NAALADL2: variants seen among roughly 807,000 people sequenced by gnomAD.
NAALADL2 encodes the protein inactive N-acetylated-alpha-linked acidic dipeptidase-like protein 2.
A neutral mutation model predicts 87.2 loss-of-function variants in NAALADL2; 76 were observed. That is an observed-to-expected ratio of 0.87 (90% CI 0.72 to 1.05). NAALADL2 has a LOEUF of 1.05. NAALADL2 is among the 50% of genes least tolerant of loss of function. The probability of loss-of-function intolerance (pLI) is 0.00; values close to 1 mark genes in which losing one functional copy is unlikely to be tolerated. For missense variants in NAALADL2, 1,089 were observed against 945.8 expected (o/e 1.15, Z -1.99); for synonymous variants, 354 against 331.0 (o/e 1.07, Z -0.75).
In NAALADL2 at chr3:175,123,363, G is replaced by A. The variant is rs963443115; in HGVS notation, c.545+26072G>A. ...ATAGATGGTAGGGCAATGGTCCCAA[G>A]TCATGATTTCTGTCATGAAACCTTT... On this transcript the variant is annotated intron_variant, in intron 2 of 13. Coordinates refer to ENST00000454872, the MANE Select transcript of NAALADL2 (RefSeq NM_207015.3). Among the ~76,000 whole-genome samples, 3 of 152,038 alleles carry A rather than the reference G, an allele frequency of 2.0e-5. No individual in the cohort carries two copies. In the East Asian group the frequency reaches 5.8e-4, roughly 29 times the overall value.
chr3:175,127,704 T>G (rs1185871072), intron 2 of NAALADL2, among the ~76,000 whole-genome samples: 1 of 152,130 alleles, frequency 6.6e-6, no homozygotes, highest in African/African-American at 2.4e-5. Flanking sequence ...TTACTGTTCA[T>G]ACTGTTTTCA....
chr3:174,457,051 T>TA (rs1393226096), intron 1 of NAALADL2, among the ~76,000 whole-genome samples: 3 of 151,938 alleles, frequency 2.0e-5, no homozygotes, highest in Non-Finnish European at 4.4e-5. Flanking sequence ...GCAAAGGACA[T>TA]AAACACTTTT....
chr3:174,702,830 G>T (rs192226480), intron 2 of NAALADL2, among the ~76,000 whole-genome samples: 1 of 152,166 alleles, frequency 6.6e-6, no homozygotes, highest in African/African-American at 2.4e-5. Flanking sequence ...GTGCATAACT[G>T]TGATTATAAT....
At chr3:174,902,275 C>A (rs1341677628) in intron 1 of NAALADL2, among the ~76,000 whole-genome samples, 2 of 152,070 alleles carry the variant, frequency 1.3e-5, no homozygotes, top group South Asian at 2.1e-4. Context: ...AACTCATTGA[C>A]CCTCTATTTA....
At chr3:174,774,460 G>C (rs1471236049) in intron 3 of NAALADL2, among the ~76,000 whole-genome samples, 2 of 152,158 alleles carry the variant, frequency 1.3e-5, no homozygotes, top group African/African-American at 4.8e-5. Flanking sequence ...ACTTCGAGGA[G>C]AAACAACAGC....
chr3:175,608,240 A>C (rs1724062534), intron 10 of NAALADL2, among the ~76,000 whole-genome samples: 1 of 148,212 alleles, frequency 6.7e-6, no homozygotes. Flanking sequence ...AAGTTCTAGA[A>C]TACTTTCCAT....
chr3:175,092,907 G>A (rs1560015546), intron 1 of NAALADL2, among the ~76,000 whole-genome samples: 2 of 151,774 alleles, frequency 1.3e-5, no homozygotes, highest in Admixed American at 6.6e-5. Flanking sequence ...CATAATAATT[G>A]CATTTTATAA....
chr3:175,102,401 T>C (rs188601317), intron 2 of NAALADL2, among the ~76,000 whole-genome samples: 386 of 152,308 alleles, frequency 2.5e-3, no homozygotes, highest in Non-Finnish European at 4.5e-3. Context: ...TGATAAAGGT[T>C]TTCCCTATGA....
In NAALADL2 at chr3:174,763,586, C is replaced by CA. The variant is rs1163373340; in HGVS notation, c.-9+25855dup. On this transcript the variant is annotated intron_variant, in intron 3 of 3. Coordinates refer to the NAALADL2 transcript ENST00000434257. The stretch of plus-strand genomic sequence containing the variant: ...TGGGCTACAGAGCGAGACTCCATCT[C>CA]AAAAAAAAAAAAAAAGACTAAAATG... Among the ~76,000 whole-genome samples, 67 of 48,350 alleles carry CA rather than the reference C, an allele frequency of 1.4e-3. 5 individuals are homozygous for CA. Among genetic ancestry groups the CA allele is most frequent in the East Asian group, 0.011 (22 of 2,030 alleles). The allele number at this position is 48,350 out of a possible 152,430, so 31.7% of individuals were successfully genotyped here. A position where few individuals can be genotyped will look rare whatever the true frequency, so the allele number is the denominator to read the frequency against.
At chr3:175,694,401 A>G (rs570232793) in intron 11 of NAALADL2, among the ~76,000 whole-genome samples, 1 of 152,334 alleles carries the variant, frequency 6.6e-6, no homozygotes, top group East Asian at 1.9e-4. Context: ...ATCAAAAAAT[A>G]AATCACACTG....
intron 3 of NAALADL2, among the ~76,000 whole-genome samples, chr3:174,794,854 A>G (rs1717885896): frequency 1.3e-5 from 2 of 152,104 alleles, no homozygotes; most frequent in South Asian, 4.1e-4. Flanking sequence ...TAAAAAAATC[A>G]TGATCTATAG....
At chr3:174,682,298 C>T (rs1285786288) in intron 2 of NAALADL2, among the ~76,000 whole-genome samples, 1 of 152,184 alleles carries the variant, frequency 6.6e-6, no homozygotes, top group Admixed American at 6.5e-5. Context: ...TTCTGGACAG[C>T]ATCTCTGCAT....
intron 1 of NAALADL2, among the ~76,000 whole-genome samples, chr3:174,549,767 T>A (rs1711895106): frequency 1.3e-5 from 2 of 152,126 alleles, no homozygotes; most frequent in African/African-American, 2.4e-5. Flanking sequence ...ATCCCCAAAC[T>A]GGAGGAATCC....
At chr3:174,865,552 T>C (rs1454681928) in intron 1 of NAALADL2, among the ~76,000 whole-genome samples, 1 of 151,972 alleles carries the variant, frequency 6.6e-6, no homozygotes, top group Non-Finnish European at 1.5e-5. Context: ...CATTAAACTA[T>C]TGATAAATCT....
At chr3:175,661,122 G>T (rs765322887) in intron 11 of NAALADL2, among the ~76,000 whole-genome samples, 5 of 151,916 alleles carry the variant, frequency 3.3e-5, no homozygotes, top group Admixed American at 2.0e-4. Context: ...ATGGTGTAAA[G>T]ATGTTCCCCT....
At chr3:174,456,718 T>G (rs1377790880) in intron 1 of NAALADL2, among the ~76,000 whole-genome samples, 4 of 151,866 alleles carry the variant, frequency 2.6e-5, no homozygotes, top group Non-Finnish European at 4.4e-5. Context: ...AAAAATCAAC[T>G]CAAGATGGAT....
upstream of NAALADL2, among the ~76,000 whole-genome samples, chr3:174,855,155 A>T (rs1016549081): frequency 5.9e-5 from 9 of 152,054 alleles, no homozygotes; most frequent in Admixed American, 2.6e-4. Flanking sequence ...ATACTTTTAC[A>T]TGAGTGGCAG....
intron 1 of NAALADL2, among the ~76,000 whole-genome samples, chr3:175,071,095 G>A (rs1164053961): frequency 2.0e-5 from 3 of 152,044 alleles, no homozygotes; most frequent in Non-Finnish European, 1.5e-5. Flanking sequence ...AGCCAGTTAG[G>A]TCCCTTGAGT....
At chr3:174,734,625 C>T (rs1733014362) in intron 2 of NAALADL2, among the ~76,000 whole-genome samples, 1 of 152,152 alleles carries the variant, frequency 6.6e-6, no homozygotes, top group Non-Finnish European at 1.5e-5. Flanking sequence ...CGGTCCATAA[C>T]ATTTGAGGAT....
Sources: gnomAD v4.1 joint callset for allele counts (sites outside exome capture counted in the v4.1 genomes callset) on GRCh38, gnomAD v4.1.1 for gene constraint, MANE v1.5 for transcripts, NCBI Gene and HGNC (gene_info 2026-07-23, HGNC 2026-07-21) for gene names.